FAM210A: variants seen among roughly 807,000 people sequenced by gnomAD.
The protein encoded by FAM210A is family with sequence similarity 210 member A.
A neutral mutation model predicts 25.3 loss-of-function variants in FAM210A; 13 were observed. The observed-to-expected ratio is 0.51, with a 90% CI of 0.33 to 0.82. The LOEUF (loss-of-function observed/expected upper bound fraction) is 0.82, where lower values mean the gene tolerates loss of function less well. Among genes scored for constraint, FAM210A ranks in the 40% least tolerant of loss-of-function variants. The pLI, the probability that FAM210A is intolerant of heterozygous loss-of-function variation, is 0.02. For synonymous variants in FAM210A, 125 were observed against 118.7 expected, an observed-to-expected ratio of 1.05 and a Z score of -0.35; for missense variants, 319 against 323.2, an observed-to-expected ratio of 0.99 and a Z score of 0.10.
At chr18:13,708,848 AG>A (rs34806481) in intron 1 of FAM210A, among the ~76,000 whole-genome samples, 38,413 of 152,028 alleles carry the variant, frequency 0.25, 5,586 homozygotes, top group Non-Finnish European at 0.34. Flanking sequence ...CAAATCTAAC[AG>A]TTTCTCCTGG....
At chr18:13,670,636 C>T (rs1042954898) in intron 3 of FAM210A, among the ~76,000 whole-genome samples, 2 of 152,266 alleles carry the variant, frequency 1.3e-5, no homozygotes, top group East Asian at 1.9e-4. Context: ...TATGGCTAAA[C>T]TCCACAATTT....
intron 1 of FAM210A, among the ~76,000 whole-genome samples, chr18:13,717,897 C>T (rs140086136): frequency 2.6e-5 from 4 of 152,236 alleles, no homozygotes; most frequent in Admixed American, 6.5e-5. Flanking sequence ...AACAAGGTAC[C>T]GTATGATGAA....
intron 1 of FAM210A, among the ~76,000 whole-genome samples, chr18:13,695,592 T>C (rs2043685295): frequency 6.6e-6 from 1 of 151,974 alleles, no homozygotes; most frequent in Non-Finnish European, 1.5e-5. Flanking sequence ...GAAACCATCA[T>C]TCTGAGTAAA....
chr18:13,719,252 T>C lies in FAM210A; in HGVS notation c.-29+7077A>G, dbSNP rs368253962. 6.7e-5 allele frequency among the ~76,000 whole-genome samples: 9 copies of C among 134,268 alleles called. No homozygotes were observed. The East Asian group carries it at 8.9e-4, about 13-fold the overall frequency. 88.1% of individuals were successfully genotyped at this position (134,268 alleles called of 152,430 possible). A position where few individuals can be genotyped will look rare whatever the true frequency, so the allele number is the denominator to read the frequency against. On this transcript the variant is annotated intron_variant, in intron 1 of 3. Transcript: ENST00000651643. ...CTTAACTAGAACAAGAATTGCAGTA[T>C]TTCAGATAGCAAGGAAGAGTTACTA...
chr18:13,696,647 G>A (rs2043696634), intron 1 of FAM210A, among the ~76,000 whole-genome samples: 1 of 152,164 alleles, frequency 6.6e-6, no homozygotes, highest in African/African-American at 2.4e-5. Context: ...TGATACTGAT[G>A]ATCCTGCCCC....
chr18:13,724,931 G>C (rs184198438), intron 1 of FAM210A, among the ~76,000 whole-genome samples: 38 of 152,030 alleles, frequency 2.5e-4, no homozygotes, highest in African/African-American at 8.7e-4. Context: ...GCGCCACCAC[G>C]CCTGGCTAAT....
At chr18:13,670,417 G>A (rs575857343) in intron 3 of FAM210A, among the ~76,000 whole-genome samples, 7 of 152,216 alleles carry the variant, frequency 4.6e-5, no homozygotes, top group African/African-American at 1.7e-4. Flanking sequence ...TATAATAAAA[G>A]AGGAAATCTA....
intron 1 of FAM210A, among the ~76,000 whole-genome samples, chr18:13,690,883 G>A (rs900590425): frequency 6.6e-6 from 1 of 152,170 alleles, no homozygotes; most frequent in Non-Finnish European, 1.5e-5. Flanking sequence ...CCAGCAACAG[G>A]ACAAAGCTGG....
intron 2 of FAM210A, among the ~76,000 whole-genome samples, chr18:13,677,064 CCTCT>C (rs2043510206): frequency 1.5e-5 from 2 of 137,102 alleles, no homozygotes; most frequent in Non-Finnish European, 3.1e-5. Context: ...AATTCCTGTC[CCTCT>C]ATTTTTTTTT....
intron 1 of FAM210A, among the ~76,000 whole-genome samples, chr18:13,683,991 T>C (rs1393298583): frequency 6.6e-6 from 1 of 152,194 alleles, no homozygotes; most frequent in Admixed American, 6.5e-5. Context: ...AAATGAATAA[T>C]TAACATCAGC....
intron 2 of FAM210A, among the ~76,000 whole-genome samples, chr18:13,676,016 C>A (rs1186264830): frequency 3.7e-5 from 5 of 136,908 alleles, no homozygotes; most frequent in African/African-American, 1.1e-4. Flanking sequence ...TATTAACATT[C>A]CTGAGCCGCT....
intron 1 of FAM210A, among the ~76,000 whole-genome samples, chr18:13,692,112 C>T (rs1170086739): frequency 6.7e-6 from 1 of 149,974 alleles, no homozygotes; most frequent in Non-Finnish European, 1.5e-5. Context: ...ATCCTAGTCT[C>T]TGATTGACTT....
chr18:13,683,457 C>T (rs914195938), intron 1 of FAM210A, among the ~76,000 whole-genome samples: 4 of 151,814 alleles, frequency 2.6e-5, no homozygotes, highest in Non-Finnish European at 4.4e-5. Flanking sequence ...TCCAGCTACT[C>T]GGGAGGCTGA....
intron 1 of FAM210A, among the ~76,000 whole-genome samples, chr18:13,695,183 A>G (rs564379838): frequency 1.8e-4 from 28 of 152,364 alleles, no homozygotes; most frequent in Non-Finnish European, 2.2e-4. Context: ...CACGCCAGTT[A>G]GAATGGCGAT....
In FAM210A at chr18:13,666,625, G is replaced by A. The variant is rs1433578965; in HGVS notation, c.674C>T (p.Pro225Leu). 2.4e-5 allele frequency: 39 copies of A among 1,613,944 alleles called. No individual in the cohort carries two copies. Among genetic ancestry groups the A allele is most frequent in the Non-Finnish European group, 3.0e-5 (35 of 1,180,024 alleles). Residue 225 changes from proline (P) to leucine (L), a missense_variant, in exon 4 of 4, where the codon CCG (proline) becomes CTG (leucine). Transcript: ENST00000651643. ...YLRSHGYMST[P>L]PPVKEYLQDR... ...CTGCAGATACTCCTTGACGGGTGGC[G>A]GCGTGGACATGTAGCCATGACTGCG...
chr18:13,700,816 T>A (rs189105683), intron 1 of FAM210A, among the ~76,000 whole-genome samples: 4 of 152,296 alleles, frequency 2.6e-5, no homozygotes, highest in African/African-American at 9.6e-5. Context: ...AATAGCTGAG[T>A]CTTGACCAAT....
At chr18:13,676,003 GATTATTAACATTCCTGA>G (rs2043495815) in intron 2 of FAM210A, among the ~76,000 whole-genome samples, 1 of 117,192 alleles carries the variant, frequency 8.5e-6, no homozygotes. Flanking sequence ...CCAGTTTCCT[GATTATTAACATTCCTGA>G]GCCGCTGACC....
rs1448554346 is a variant in FAM210A, at chr18:13,681,937, C to G, written c.141G>C (p.Leu47Phe). The G allele has an allele frequency of 6.2e-7, 1 of 1,614,098 alleles. No individual in the cohort carries two copies. The highest frequency in any genetic ancestry group is 8.5e-7 in the Non-Finnish European group (1 of 1,180,016). Reference sequence around the variant, plus strand: ...ACCATTGTTTTTGAGGGCCTTGTACCAAAACCACTTTGGATTCAGCATTGT... The same window carrying G: ...ACCATTGTTTTTGAGGGCCTTGTACGAAAACCACTTTGGATTCAGCATTGT... ...LLYNAESKVVLVQGPQKQWLH... is the reference protein window; with the variant it reads ...LLYNAESKVVFVQGPQKQWLH... The change falls in exon 2 of 4, where the codon TTG (leucine) becomes TTC (phenylalanine). Residue 47 changes from leucine to phenylalanine, a missense_variant. By Grantham distance (22) the Leu-to-Phe change is conservative. Coordinates refer to ENST00000651643, the MANE Select transcript of FAM210A (RefSeq NM_152352.4).
chr18:13,669,359 A>G (rs1052306204), intron 3 of FAM210A, among the ~76,000 whole-genome samples: 1 of 152,198 alleles, frequency 6.6e-6, no homozygotes, highest in African/African-American at 2.4e-5. Flanking sequence ...TTAAGGGCCA[A>G]CAAGGCTGTC....
Sources: allele counts gnomAD v4.1 joint callset (sites outside exome capture counted in the v4.1 genomes callset), GRCh38; gene constraint gnomAD v4.1.1; transcripts MANE v1.5; gene names NCBI Gene and HGNC (gene_info 2026-07-23, HGNC 2026-07-21).